Variants in SLFN5 observed in about 807,000 individuals in gnomAD.
The protein encoded by SLFN5 is schlafen family member 5.
Under a neutral mutation model 48.5 loss-of-function variants are expected in SLFN5, and 34 were observed. The ratio of observed to expected loss-of-function variants is 0.70; its 90% CI spans 0.53 to 0.93. The LOEUF is 0.93. Ranked by LOEUF, SLFN5 falls within the 40% of genes least tolerant of loss-of-function variation. SLFN5 has a pLI of 0.00. For missense variants in SLFN5, 1,006 were observed against 1,071.3 expected, an observed-to-expected ratio of 0.94 and a Z score of 0.85; for synonymous variants, 387 against 396.2, an observed-to-expected ratio of 0.98 and a Z score of 0.28.
chr17:35,255,665 C>T (rs1444341925), intron 1 of SLFN5, among the ~76,000 whole-genome samples: 1 of 152,172 alleles, frequency 6.6e-6, no homozygotes, highest in Non-Finnish European at 1.5e-5. Flanking sequence ...AATGAAAACT[C>T]ATTTCATTTT....
Position 35,266,185 on chromosome 17 carries a change from C to CGCGT in SLFN5, c.*299_*300insGTGC, listed in dbSNP as rs1306480573. 2.1e-5 allele frequency: 4 copies of CGCGT among 189,434 alleles called. No homozygotes were observed. The highest frequency in any genetic ancestry group is 4.4e-5 in the Non-Finnish European group (4 of 91,082). The allele number at this position is 189,434 out of a possible 1,614,324, so 11.7% of individuals were successfully genotyped here. On this transcript the variant is annotated 3_prime_UTR_variant, in exon 5 of 5. Transcript: ENST00000299977. ...GTGTGTGTGTGTGTGTGTGCGCGCG[C>CGCGT]GCACGTGCACATGTGTGTAGGTAGA... is the stretch of plus-strand genomic sequence containing the variant.
intron 1 of SLFN5, among the ~76,000 whole-genome samples, chr17:35,245,030 AC>A (rs1264770021): frequency 6.6e-6 from 1 of 152,188 alleles, no homozygotes; most frequent in Admixed American, 6.5e-5. Context: ...CCCCACTTTA[AC>A]CATGGGATAT....
chr17:35,249,656 T>C (rs188008296), intron 1 of SLFN5, among the ~76,000 whole-genome samples: 8 of 152,356 alleles, frequency 5.3e-5, no homozygotes, highest in Non-Finnish European at 1.0e-4. Flanking sequence ...GGTCCCTGAC[T>C]GAAAAACATT....
chr17:35,248,806 G>A (rs138762254), intron 1 of SLFN5, among the ~76,000 whole-genome samples: 1 of 152,184 alleles, frequency 6.6e-6, no homozygotes, highest in East Asian at 1.9e-4. Context: ...AATTCTTCTA[G>A]GTACATATGA....
At chr17:35,247,543 T>C (rs866665168) in intron 1 of SLFN5, among the ~76,000 whole-genome samples, 3 of 152,224 alleles carry the variant, frequency 2.0e-5, no homozygotes, top group South Asian at 2.1e-4. Flanking sequence ...TTTGCACTGA[T>C]AGGATAAGTC....
intron 1 of SLFN5, among the ~76,000 whole-genome samples, chr17:35,251,942 G>A (rs1190673105): frequency 1.3e-5 from 2 of 151,910 alleles, no homozygotes. Context: ...TCAAACTCCT[G>A]CCCCCAGGTG....
At chr17:35,262,235 C>G (rs1904540989) in intron 3 of SLFN5, among the ~76,000 whole-genome samples, 1 of 151,740 alleles carries the variant, frequency 6.6e-6, no homozygotes, top group Non-Finnish European at 1.5e-5. Flanking sequence ...AAAAAATTAG[C>G]TGGGTGTGGT....
In SLFN5 at chr17:35,266,131, G is replaced by A; in HGVS notation, c.*243G>A. 1 of 473,130 alleles carries A rather than the reference G, an allele frequency of 2.1e-6. No homozygotes were observed. The highest frequency in any genetic ancestry group is 2.9e-5 in the South Asian group (1 of 34,114). The allele number at this position is 473,130 out of a possible 1,614,324, so 29.3% of individuals were successfully genotyped here. On this transcript the variant is annotated 3_prime_UTR_variant, in exon 5 of 5. Transcript: ENST00000299977. ...GGGATATCAGTAATTAGAGGACCGT[G>A]AGACTCAGAGATGTGTGTGTGTGTG...
At chr17:35,257,444 A>G (rs1342134365) in intron 1 of SLFN5, among the ~76,000 whole-genome samples, 2 of 152,198 alleles carry the variant, frequency 1.3e-5, no homozygotes, top group African/African-American at 4.8e-5. Flanking sequence ...TTTTCCTGGC[A>G]ACACCCCAAC....
Position 35,271,411 on chromosome 17 carries a change from C to A in SLFN5, c.*5523C>A, listed in dbSNP as rs73278982. On this transcript the variant is annotated 3_prime_UTR_variant, in exon 5 of 5. Transcript: ENST00000299977. ...AGTGAAACATAAGGTTAAGTCTATA[C>A]ATATTATTTTCTAATTGCCTATTAT... The A allele has an allele frequency of 5.6e-4, 85 of 152,222 alleles. No homozygotes were observed. The highest frequency in any genetic ancestry group is 2.0e-3 in the African/African-American group (85 of 41,534). The allele number at this position is 152,222 out of a possible 1,614,324, so 9.4% of individuals were successfully genotyped here. A position where few individuals can be genotyped will look rare whatever the true frequency, so the allele number is the denominator to read the frequency against.
In SLFN5 at chr17:35,255,734, T is replaced by C. The variant is rs141172702; in HGVS notation, c.-40-2917T>C. 4.0e-3 allele frequency among the ~76,000 whole-genome samples: 612 copies of C among 152,294 alleles called. 3 individuals are homozygous for C. The highest frequency in any genetic ancestry group is 0.014 in the African/African-American group (576 of 41,566). The stretch of plus-strand genomic sequence containing the variant: ...CAACAGAGAATAAAACTTTATTACA[T>C]AGTTAAAAAAATATTAAAATAAACA... On this transcript the variant is annotated intron_variant, in intron 1 of 4. Coordinates refer to ENST00000299977, the MANE Select transcript of SLFN5 (RefSeq NM_144975.4).
intron 1 of SLFN5, among the ~76,000 whole-genome samples, chr17:35,253,690 GTTTTTTTT>G (rs57606643): frequency 1.3e-5 from 1 of 76,042 alleles, no homozygotes. Flanking sequence ...ATAGCTAACA[GTTTTTTTT>G]TTTTTTTTTT....
At chr17:35,247,493 A>G (rs774876059) in intron 1 of SLFN5, among the ~76,000 whole-genome samples, 2 of 152,190 alleles carry the variant, frequency 1.3e-5, no homozygotes, top group Admixed American at 1.3e-4. Context: ...GATGGCTGCT[A>G]CAGAGGCACC....
intron 3 of SLFN5, among the ~76,000 whole-genome samples, chr17:35,263,594 G>A (rs904621956): frequency 4.6e-5 from 7 of 151,944 alleles, no homozygotes; most frequent in South Asian, 4.2e-4. Context: ...AGGCCCAGGC[G>A]GGCAGATCAC....
chr17:35,273,536 C>T lies in SLFN5; in HGVS notation c.*7648C>T, dbSNP rs1223191398. On this transcript the variant is annotated 3_prime_UTR_variant, in exon 5 of 5. Transcript: ENST00000299977. ...ATGTGTGGAGAGTGGGGAGGGTTTA[C>T]ATATGAAAAATGTAGAAAATACAAA... 6.6e-6 allele frequency: 1 copy of T among 151,798 alleles called. No homozygotes were observed. The highest frequency in any genetic ancestry group is 1.5e-5 in the Non-Finnish European group (1 of 67,960). 9.4% of individuals were successfully genotyped at this position (151,798 alleles called of 1,614,324 possible). A position where few individuals can be genotyped will look rare whatever the true frequency, so the allele number is the denominator to read the frequency against.
chr17:35,255,817 A>G (rs1363349268), intron 1 of SLFN5, among the ~76,000 whole-genome samples: 2 of 152,212 alleles, frequency 1.3e-5, no homozygotes, highest in Non-Finnish European at 2.9e-5. Context: ...AGCTTCCTGT[A>G]TATTTCTCCC....
chr17:35,256,708 G>T (rs1904353437), intron 1 of SLFN5, among the ~76,000 whole-genome samples: 1 of 152,134 alleles, frequency 6.6e-6, no homozygotes, highest in African/African-American at 2.4e-5. Context: ...TTTAGTGATT[G>T]CCTTGTGGCA....
At chr17:35,260,842 A>G (rs1053261278) in intron 2 of SLFN5, 129 bp from the exon 3 acceptor site, 1 of 1,168,428 alleles carries the variant, frequency 8.6e-7, no homozygotes, top group Non-Finnish European at 1.2e-6. Flanking sequence ...CTGACCTGAG[A>G]TGTAAAGGCA....
Position 35,265,148 on chromosome 17 carries a change from A to T in SLFN5, c.1936A>T (p.Ile646Phe), listed in dbSNP as rs765269767. 3 of 1,614,092 alleles carry T rather than the reference A, an allele frequency of 1.9e-6. No individual in the cohort carries two copies. In the Admixed American group the frequency reaches 5.0e-5, roughly 27 times the overall value. ...MKNNFEHIQH[I>F]IIDDAQNFRT... ...AAACAACTTTGAACACATCCAGCAC[A>T]TTATCATTGATGACGCTCAGAATTT... is the stretch of plus-strand genomic sequence containing the variant. Residue 646 changes from isoleucine (I) to phenylalanine (F), a missense_variant, in exon 5 of 5, where the codon ATT becomes TTT. Transcript: ENST00000299977.
Sources: gnomAD v4.1 joint callset for allele counts (sites outside exome capture counted in the v4.1 genomes callset) on GRCh38, gnomAD v4.1.1 for gene constraint, MANE v1.5 for transcripts, NCBI Gene and HGNC (gene_info 2026-07-23, HGNC 2026-07-21) for gene names.